The following PAPOLA variants were observed in gnomAD, a reference collection of about 807,000 sequenced individuals.
PAPOLA encodes poly(A) polymerase alpha, also known as polynucleotide adenylyltransferase alpha.
PAPOLA carries 15 observed loss-of-function variants against 100.6 expected under a neutral mutation model. That is an observed-to-expected ratio of 0.15 (90% CI 0.10 to 0.23). The LOEUF is 0.23. Ranked by LOEUF, PAPOLA falls within the 10% of genes least tolerant of loss-of-function variation. PAPOLA has a pLI of 1.00. For missense variants in PAPOLA, 533 were observed against 884.2 expected (o/e 0.60, Z 5.04); for synonymous variants, 293 against 300.0 (o/e 0.98, Z 0.24).
intron 3 of PAPOLA, among the ~76,000 whole-genome samples, chr14:96,521,906 A>G (rs1352913379): frequency 6.6e-6 from 1 of 152,014 alleles, no homozygotes; most frequent in Non-Finnish European, 1.5e-5. Context: ...GGTTCAAGTG[A>G]TTCTCATGCC....
At position 96,522,222 on chromosome 14, in the gene PAPOLA, A is replaced by G. The variant is rs570240033; in HGVS notation, c.249+1150A>G. On this transcript the variant is annotated intron_variant, in intron 3 of 21. Coordinates refer to ENST00000216277, the MANE Select transcript of PAPOLA (RefSeq NM_032632.5). ...CTGCAACCTGTGCCTCCTGCGGCCA[A>G]CTGATTCTCCTGCCTCAGCCCCTCA... is the stretch of plus-strand genomic sequence containing the variant. 4.4e-4 allele frequency among the ~76,000 whole-genome samples: 64 copies of G among 146,858 alleles called. 1 individual carries two copies. The highest frequency in any genetic ancestry group is 1.4e-3 in the African/African-American group (56 of 39,154).
intron 2 of PAPOLA, 69 bp from the exon 3 acceptor site, chr14:96,520,937 A>G (rs1897911094): frequency 1.2e-6 from 1 of 808,626 alleles, no homozygotes. Context: ...AAGAACGCCT[A>G]TTTAAAACTT....
Position 96,565,638 on chromosome 14 carries a change from A to G in PAPOLA, c.*588A>G, listed in dbSNP as rs1595566750. ...AAAAATGAAACGTCAACTCTAGGGT[A>G]CATTTGACATTGAAAGAATAGTTAG... On this transcript the variant is annotated 3_prime_UTR_variant, in exon 22 of 22. Coordinates refer to ENST00000216277, the MANE Select transcript of PAPOLA (RefSeq NM_032632.5). 1 of 396,466 alleles carries G rather than the reference A, an allele frequency of 2.5e-6. No homozygotes were observed. Among genetic ancestry groups the G allele is most frequent in the East Asian group, 3.6e-5 (1 of 28,020 alleles). The allele number at this position is 396,466 out of a possible 1,614,324, so 24.6% of individuals were successfully genotyped here.
In PAPOLA at chr14:96,535,754, TTCTC is replaced by T. The variant is rs1254598137; in HGVS notation, c.910-124_910-121del. The T allele has an allele frequency of 1.2e-5, 11 of 939,960 alleles. No homozygotes were observed. The African/African-American group carries it at 1.9e-4, about 16-fold the overall frequency. The allele number at this position is 939,960 out of a possible 1,614,324, so 58.2% of individuals were successfully genotyped here. A position where few individuals can be genotyped will look rare whatever the true frequency, so the allele number is the denominator to read the frequency against. ...CAATGTCTCTCTACATGGTTTTTCT[TTCTC>T]AACTCCAGCTATGAATGAAATAAAA... On this transcript the variant is annotated intron_variant, in intron 10 of 21. Coordinates refer to ENST00000216277, the MANE Select transcript of PAPOLA (RefSeq NM_032632.5).
intron 18 of PAPOLA, 35 bp from the exon 19 acceptor site, chr14:96,556,135 GTTATT>G: frequency 6.7e-7 from 1 of 1,483,632 alleles, no homozygotes; most frequent in Non-Finnish European, 9.4e-7. Flanking sequence ...TACTGATTTG[GTTATT>G]TTAATTTGTA....
At chr14:96,559,087 A>G (rs140533658) in intron 19 of PAPOLA, among the ~76,000 whole-genome samples, 135 of 150,928 alleles carry the variant, frequency 8.9e-4, no homozygotes, top group African/African-American at 3.0e-3. Context: ...GGAGTTGATT[A>G]ATAGAACTAT....
At chr14:96,520,368 A>G in intron 2 of PAPOLA, 140 bp downstream of exon 2, 1 of 647,616 alleles carries the variant, frequency 1.5e-6, no homozygotes, top group Non-Finnish European at 2.5e-6. Flanking sequence ...GAAGAGGGAT[A>G]CTTAAGAGAG....
intron 1 of PAPOLA, among the ~76,000 whole-genome samples, chr14:96,509,965 CTTTTTT>C (rs11372552): frequency 2.4e-5 from 2 of 84,428 alleles, no homozygotes; most frequent in African/African-American, 4.6e-5. Context: ...GTGGGAGTTG[CTTTTTT>C]TTTTTTTTTT....
At chr14:96,523,990 C>T (rs2140265123) in intron 3 of PAPOLA, among the ~76,000 whole-genome samples, 1 of 151,244 alleles carries the variant, frequency 6.6e-6, no homozygotes, top group African/African-American at 2.4e-5. Flanking sequence ...CTATTAGTGT[C>T]TATAGTGATG....
At chr14:96,547,562 G>A (rs898431469) in intron 15 of PAPOLA, 2 of 320,708 alleles carry the variant, frequency 6.2e-6, no homozygotes, top group Admixed American at 9.3e-5. Flanking sequence ...GCTATTTAAA[G>A]GGTTACTACA....
At chr14:96,519,236 T>C (rs1284641397) in intron 1 of PAPOLA, among the ~76,000 whole-genome samples, 2 of 152,092 alleles carry the variant, frequency 1.3e-5, no homozygotes, top group South Asian at 4.1e-4. Flanking sequence ...TATAAACACT[T>C]AATTTCTTAA....
chr14:96,555,829 TA>T lies in PAPOLA; in HGVS notation c.1665-16del. The stretch of plus-strand genomic sequence containing the variant: ...TATTTTTAAATTTTGAGACAATTTT[TA>T]ATTTTTTTTTTTTTAGCAGAAACAG... On this transcript the variant is annotated splice_polypyrimidine_tract_variant and intron_variant, in intron 17 of 21. Transcript: ENST00000216277. 5 of 1,366,042 alleles carry T rather than the reference TA, an allele frequency of 3.7e-6. No homozygotes were observed. Among genetic ancestry groups the T allele is most frequent in the Admixed American group, 2.2e-5 (1 of 45,110 alleles). 84.6% of individuals were successfully genotyped at this position (1,366,042 alleles called of 1,614,324 possible).
At chr14:96,502,677 C>T (rs1362487085) in intron 1 of PAPOLA, 77 bp downstream of exon 1, 8 of 1,505,144 alleles carry the variant, frequency 5.3e-6, no homozygotes, top group African/African-American at 2.9e-5. Flanking sequence ...AAGAGGTAGG[C>T]GGAGAGGGTG....
chr14:96,536,017 T>C lies in PAPOLA; in HGVS notation c.1030+18T>C, dbSNP rs183696650. The C allele has an allele frequency of 3.0e-4, 472 of 1,567,610 alleles. No individual in the cohort carries two copies. Among genetic ancestry groups the C allele is most frequent in the Non-Finnish European group, 3.8e-4 (442 of 1,155,836 alleles). On this transcript the variant is annotated intron_variant, in intron 11 of 21. Coordinates refer to ENST00000216277, the MANE Select transcript of PAPOLA (RefSeq NM_032632.5). ...TAAACAAGGTAAGTGTTTATCCTTATGCTCTGATTTATACAGGAAGGATTT... is the reference window on the plus strand; with the variant it reads ...TAAACAAGGTAAGTGTTTATCCTTACGCTCTGATTTATACAGGAAGGATTT...
In PAPOLA at chr14:96,565,489, C is replaced by T. The variant is rs1446987210; in HGVS notation, c.*439C>T. The T allele has an allele frequency of 1.3e-5, 5 of 391,512 alleles. No individual in the cohort carries two copies. Among genetic ancestry groups the T allele is most frequent in the Non-Finnish European group, 1.4e-5 (3 of 219,880 alleles). 24.3% of individuals were successfully genotyped at this position (391,512 alleles called of 1,614,324 possible). ...CAGCTTGATGGATTTTCAGTTTTTCCTGAAGAATTTTCTTTACCATTAGTC... is the reference window on the plus strand; with the variant it reads ...CAGCTTGATGGATTTTCAGTTTTTCTTGAAGAATTTTCTTTACCATTAGTC... On this transcript the variant is annotated 3_prime_UTR_variant, in exon 22 of 22. Transcript: ENST00000216277.
chr14:96,559,011 C>G (rs1901589469), intron 19 of PAPOLA, among the ~76,000 whole-genome samples: 1 of 150,684 alleles, frequency 6.6e-6, no homozygotes, highest in Non-Finnish European at 1.5e-5. Flanking sequence ...CCACTTTTCC[C>G]TGTAATTTTT....
At chr14:96,520,335 C>G in intron 2 of PAPOLA, 107 bp downstream of exon 2, 1 of 808,652 alleles carries the variant, frequency 1.2e-6, no homozygotes, top group East Asian at 2.7e-5. Flanking sequence ...GTTATTTGCC[C>G]AGATCTATAT....
At chr14:96,550,053 TG>T (rs1481235146) in intron 16 of PAPOLA, among the ~76,000 whole-genome samples, 1 of 152,172 alleles carries the variant, frequency 6.6e-6, no homozygotes, top group Non-Finnish European at 1.5e-5. Context: ...GAGGCTGAGG[TG>T]GGAAGATCAT....
At position 96,560,679 on chromosome 14, in the gene PAPOLA, G is replaced by C; in HGVS notation, c.2035G>C (p.Ala679Pro). The change falls in exon 20 of 22, where the codon GCT becomes CCT. Residue 679 changes from alanine (A) to proline (P), a missense_variant. Coordinates refer to ENST00000216277, the MANE Select transcript of PAPOLA (RefSeq NM_032632.5). ...DETSEDANCLALSGHDKTEAK... is the reference protein window; with the variant it reads ...DETSEDANCLPLSGHDKTEAK... ...AACAAGTGAAGATGCTAACTGTCTT[G>C]CTTTGAGTGGACATGATAAAACAGA... 1 of 1,607,378 alleles carries C rather than the reference G, an allele frequency of 6.2e-7. No homozygotes were observed. Among genetic ancestry groups the C allele is most frequent in the Non-Finnish European group, 8.5e-7 (1 of 1,175,020 alleles).
Sources: gnomAD v4.1 joint callset for allele counts (sites outside exome capture counted in the v4.1 genomes callset) on GRCh38, gnomAD v4.1.1 for gene constraint, MANE v1.5 for transcripts, NCBI Gene and HGNC (gene_info 2026-07-23, HGNC 2026-07-21) for gene names.